Variants in GAS7 observed in about 807,000 individuals in gnomAD.
GAS7 encodes the protein growth arrest-specific protein 7.
A neutral mutation model predicts 71.1 loss-of-function variants in GAS7; 28 were observed. The ratio of observed to expected loss-of-function variants is 0.39; its 90% confidence interval spans 0.29 to 0.54. The LOEUF is 0.54. Ranked by LOEUF, GAS7 falls within the 20% of genes least tolerant of loss-of-function variation. The pLI is 0.62. For missense variants in GAS7, 436 were observed against 627.8 expected (o/e 0.69, Z 3.27); for synonymous variants, 258 against 245.8 (o/e 1.05, Z -0.46).
chr17:10,154,976 G>A (rs1021288173), intron 1 of GAS7, among the ~76,000 whole-genome samples: 1 of 149,162 alleles, frequency 6.7e-6, no homozygotes, highest in Non-Finnish European at 1.5e-5. Flanking sequence ...TCCACAGTCT[G>A]CATGGGAACC....
intron 1 of GAS7, among the ~76,000 whole-genome samples, chr17:10,020,804 T>G (rs1481748532): frequency 6.6e-6 from 1 of 152,098 alleles, no homozygotes; most frequent in Non-Finnish European, 1.5e-5. Context: ...TCCTAGCTAC[T>G]CGGGAGGCTG....
intron 1 of GAS7, among the ~76,000 whole-genome samples, chr17:10,021,601 T>G (rs1482422494): frequency 6.6e-6 from 1 of 152,180 alleles, no homozygotes; most frequent in East Asian, 1.9e-4. Flanking sequence ...TGATTCCGTA[T>G]GGAAGACTGT....
In GAS7 at chr17:9,929,047, C is replaced by T. The variant is rs148667398; in HGVS notation, c.886-2278G>A. ...TGTATAGGAAAACATCCCCACCTGGCGGCAGTTTGCAGGATGCTACAAAAA... is the reference window on the plus strand; with the variant it reads ...TGTATAGGAAAACATCCCCACCTGGTGGCAGTTTGCAGGATGCTACAAAAA... On this transcript the variant is annotated intron_variant, in intron 9 of 13. Transcript: ENST00000432992. Among the ~76,000 whole-genome samples the T allele has an allele frequency of 1.1e-3, 166 of 152,268 alleles. 1 individual carries two copies. The highest frequency in any genetic ancestry group is 3.5e-3 in the South Asian group (17 of 4,814).
Position 9,961,070 on chromosome 17 carries a change from C to G in GAS7, c.472-1815G>C, listed in dbSNP as rs142348865. 5.2e-3 allele frequency among the ~76,000 whole-genome samples: 786 copies of G among 152,302 alleles called. 6 individuals are homozygous for G. Among genetic ancestry groups the G allele is most frequent in the African/African-American group, 0.017 (727 of 41,564 alleles). On this transcript the variant is annotated intron_variant, in intron 4 of 13. Transcript: ENST00000432992. Reference sequence around the variant, plus strand: ...CAGGTCCCAGGTGGTGCCAGCACCTCTGATTTGCAGAATCTGTGGACCTCA... The same window carrying G: ...CAGGTCCCAGGTGGTGCCAGCACCTGTGATTTGCAGAATCTGTGGACCTCA...
Position 9,981,684 on chromosome 17 carries a change from C to G in GAS7, c.385+120G>C, listed in dbSNP as rs1329357519. 10 of 685,214 alleles carry G rather than the reference C, an allele frequency of 1.5e-5. No homozygotes were observed. The South Asian group carries it at 1.7e-4, about 12-fold the overall frequency. The allele number at this position is 685,214 out of a possible 1,614,324, so 42.4% of individuals were successfully genotyped here. A position where few individuals can be genotyped will look rare whatever the true frequency, so the allele number is the denominator to read the frequency against. On this transcript the variant is annotated intron_variant, in intron 3 of 13. Coordinates refer to ENST00000432992, the MANE Select transcript of GAS7 (RefSeq NM_201433.2). This position sits in a 1 kb window ranked among gnomAD's most constrained non-coding sequence, Gnocchi z 4.4. ...CTAAGGGACCCTCTCCCAGGCCCAA[C>G]CCCTCCCTGGGTTTGCTACATCAGC...
chr17:10,070,299 T>TGCCCAGCCTCCCA (rs1308044451), intron 1 of GAS7, among the ~76,000 whole-genome samples: 1 of 149,328 alleles, frequency 6.7e-6, no homozygotes, highest in Non-Finnish European at 1.5e-5. Flanking sequence ...CTGGGTCAGC[T>TGCCCAGCCTCCCA]GCCCAGCCTC....
chr17:10,175,986 C>G (rs2074371744), intron 1 of GAS7, among the ~76,000 whole-genome samples: 1 of 152,188 alleles, frequency 6.6e-6, no homozygotes, highest in Non-Finnish European at 1.5e-5. Flanking sequence ...TCCCCGTTAT[C>G]ACTCGGTCTG....
At chr17:10,094,982 C>G (rs1208031611) in intron 1 of GAS7, among the ~76,000 whole-genome samples, 1 of 152,210 alleles carries the variant, frequency 6.6e-6, no homozygotes, top group Non-Finnish European at 1.5e-5. Context: ...CAGCACTCAA[C>G]TGGATGGCCT....
intron 1 of GAS7, among the ~76,000 whole-genome samples, chr17:10,087,072 T>G (rs1054068655): frequency 6.6e-6 from 1 of 152,220 alleles, no homozygotes; most frequent in Non-Finnish European, 1.5e-5. Flanking sequence ...TGAAAACATG[T>G]GGTTCCCACT....
chr17:10,194,663 T>A (rs1270177487), intron 1 of GAS7, among the ~76,000 whole-genome samples: 1 of 152,092 alleles, frequency 6.6e-6, no homozygotes, highest in South Asian at 2.1e-4. Flanking sequence ...CTCTACCATA[T>A]CTCTCAAATG....
intron 7 of GAS7, 138 bp downstream of exon 7, chr17:9,942,983 A>G (rs2068657642): frequency 1.0e-5 from 6 of 583,816 alleles, no homozygotes; most frequent in Non-Finnish European, 1.9e-5. Flanking sequence ...CCCAGGCGCC[A>G]TGAGTTTGCC....
chr17:10,152,453 G>A (rs16959386), intron 1 of GAS7, among the ~76,000 whole-genome samples: 7,330 of 152,230 alleles, frequency 0.048, 297 homozygotes, highest in Admixed American at 0.13. Context: ...TTGACTGTGC[G>A]TGCATTAGCT....
chr17:10,085,560 C>T (rs932477206), intron 1 of GAS7, among the ~76,000 whole-genome samples: 3 of 151,948 alleles, frequency 2.0e-5, no homozygotes, highest in East Asian at 1.9e-4. Flanking sequence ...GGCATGGTGG[C>T]GGGCGCTTGT....
At chr17:10,140,886 C>T (rs1187529170) in intron 1 of GAS7, among the ~76,000 whole-genome samples, 1 of 152,218 alleles carries the variant, frequency 6.6e-6, no homozygotes, top group African/African-American at 2.4e-5. Context: ...ACTGCAGATA[C>T]AAATGCTAAA....
At chr17:10,014,695 G>C (rs114279847) in intron 2 of GAS7, among the ~76,000 whole-genome samples, 1 of 151,886 alleles carries the variant, frequency 6.6e-6, no homozygotes, top group Non-Finnish European at 1.5e-5. Flanking sequence ...ATTTCCACAC[G>C]AATACCTGTA....
At chr17:10,025,015 C>T (rs1425600405) in intron 1 of GAS7, among the ~76,000 whole-genome samples, 3 of 152,182 alleles carry the variant, frequency 2.0e-5, no homozygotes, top group South Asian at 2.1e-4. Flanking sequence ...TCATAGATGG[C>T]ATTTATCCCC....
chr17:10,157,208 G>T (rs1378109762), intron 1 of GAS7, among the ~76,000 whole-genome samples: 1 of 152,234 alleles, frequency 6.6e-6, no homozygotes, highest in Admixed American at 6.5e-5. Flanking sequence ...AGCAAACCCA[G>T]AGTCCTCAGC....
At chr17:10,142,660 G>A (rs78261249) in intron 1 of GAS7, among the ~76,000 whole-genome samples, 5 of 152,140 alleles carry the variant, frequency 3.3e-5, no homozygotes, top group Admixed American at 3.3e-4. Context: ...CCTATTAAAG[G>A]TTTAAAAACA....
intron 1 of GAS7, among the ~76,000 whole-genome samples, chr17:10,038,317 T>G (rs1279400788): frequency 1.3e-5 from 2 of 151,938 alleles, no homozygotes; most frequent in Admixed American, 6.6e-5. Context: ...CCACTCTCAC[T>G]CCAGCCTGGG....
Sources: allele counts gnomAD v4.1 joint callset (sites outside exome capture counted in the v4.1 genomes callset), GRCh38; gene constraint gnomAD v4.1.1; non-coding constraint Gnocchi (gnomAD v3.1); transcripts MANE v1.5; gene names NCBI Gene and HGNC (gene_info 2026-07-23, HGNC 2026-07-21).